The following NLGN1 variants were observed in gnomAD, a reference collection of about 807,000 sequenced individuals.
NLGN1 encodes neuroligin-1.
A neutral mutation model predicts 65.5 loss-of-function variants in NLGN1; 12 were observed. The ratio of observed to expected loss-of-function variants is 0.18; its 90% CI spans 0.12 to 0.30. The LOEUF (loss-of-function observed/expected upper bound fraction) is 0.30, where lower values mean the gene tolerates loss of function less well. Ranked by LOEUF, NLGN1 falls within the 10% of genes least tolerant of loss-of-function variation. NLGN1 has a pLI of 1.00. For missense variants in NLGN1, 750 were observed against 1,007.1 expected, an observed-to-expected ratio of 0.74 and a Z score of 3.46; for synonymous variants, 350 against 359.5, an observed-to-expected ratio of 0.97 and a Z score of 0.30.
intron 4 of NLGN1, among the ~76,000 whole-genome samples, chr3:174,133,329 T>C (rs1186192813): frequency 6.6e-6 from 1 of 152,210 alleles, no homozygotes; most frequent in African/African-American, 2.4e-5. Flanking sequence ...GGAAAATATC[T>C]TCTAATCTTT....
chr3:173,810,317 T>C, intron 4 of NLGN1, among the ~76,000 whole-genome samples: 1 of 152,202 alleles, frequency 6.6e-6, no homozygotes, highest in East Asian at 1.9e-4. Context: ...ATAGTTTGTC[T>C]AACAGTAAAA....
intron 4 of NLGN1, among the ~76,000 whole-genome samples, chr3:174,023,840 A>G (rs1728264098): frequency 6.6e-6 from 1 of 152,154 alleles, no homozygotes. Flanking sequence ...CCCTGCAGTC[A>G]GCAGCTGTGG....
At chr3:174,170,382 T>C (rs1231710392) in intron 4 of NLGN1, among the ~76,000 whole-genome samples, 1 of 152,162 alleles carries the variant, frequency 6.6e-6, no homozygotes, top group Non-Finnish European at 1.5e-5. Flanking sequence ...AATGGTGTAT[T>C]ACAGGGCCCA....
intron 4 of NLGN1, among the ~76,000 whole-genome samples, chr3:174,025,399 A>G (rs373218928): frequency 1.3e-5 from 2 of 152,182 alleles, no homozygotes; most frequent in South Asian, 2.1e-4. Flanking sequence ...ATTCTATTCA[A>G]TTAAGGAAAT....
At chr3:173,463,305 C>A (rs543997780) in intron 2 of NLGN1, among the ~76,000 whole-genome samples, 1 of 152,236 alleles carries the variant, frequency 6.6e-6, no homozygotes, top group East Asian at 1.9e-4. Context: ...AACCTGAAAA[C>A]AAATCAATAC....
chr3:174,231,575 G>A (rs752118053), intron 4 of NLGN1, among the ~76,000 whole-genome samples: 5 of 152,268 alleles, frequency 3.3e-5, no homozygotes, highest in South Asian at 2.1e-4. Context: ...ACAGAAGTAC[G>A]CAGTCCTTCT....
At chr3:173,765,090 G>C (rs1164306587) in intron 3 of NLGN1, among the ~76,000 whole-genome samples, 2 of 147,990 alleles carry the variant, frequency 1.4e-5, no homozygotes, top group South Asian at 2.1e-4. Context: ...GTGTGTGTGT[G>C]TGTGTGTGTA....
intron 4 of NLGN1, among the ~76,000 whole-genome samples, chr3:173,936,697 T>C (rs1745132812): frequency 6.6e-6 from 1 of 152,064 alleles, no homozygotes. Flanking sequence ...GTCCTCAAGG[T>C]ATATGTCTTA....
chr3:173,491,368 A>G (rs188199406), intron 2 of NLGN1, among the ~76,000 whole-genome samples: 5 of 151,674 alleles, frequency 3.3e-5, no homozygotes, highest in African/African-American at 1.2e-4. Flanking sequence ...GGTTTTTGTC[A>G]TTGGTTCTGT....
intron 4 of NLGN1, among the ~76,000 whole-genome samples, chr3:174,086,289 AT>A (rs1190125703): frequency 4.0e-5 from 4 of 100,132 alleles, no homozygotes; most frequent in African/African-American, 1.4e-4. Context: ...GCATAAATAT[AT>A]ATATATTTAT....
chr3:174,075,824 A>G (rs944287401), intron 4 of NLGN1, among the ~76,000 whole-genome samples: 14 of 152,210 alleles, frequency 9.2e-5, no homozygotes, highest in Non-Finnish European at 7.3e-5. Flanking sequence ...GGAACTGAAG[A>G]TAAGCTATTA....
Position 174,279,274 on chromosome 3 carries a change from T to C in NLGN1, c.1273T>C (p.Tyr425His), listed in dbSNP as rs566888322. 143 of 1,613,364 alleles carry C rather than the reference T, an allele frequency of 8.9e-5. 1 individual carries two copies. In the South Asian group the frequency reaches 1.3e-3, roughly 15 times the overall value. Reference sequence around the variant, plus strand: ...AAATTTTGTTGATAATTTATATGGATATCCTGAAGGCAAAGATGTTTTGAG... The same window carrying C: ...AAATTTTGTTGATAATTTATATGGACATCCTGAAGGCAAAGATGTTTTGAG... Residue 425 changes from tyrosine (Y) to histidine (H), a missense_variant, in exon 6 of 7, where the codon TAT becomes CAT. Physicochemically the swap from Tyr to His is moderately conservative, Grantham distance 83. Transcript: ENST00000457714. This position sits in a 1 kb window ranked among gnomAD's most constrained non-coding sequence, Gnocchi z 4.7.
Position 173,443,730 on chromosome 3 carries a change from A to G in NLGN1, c.-321+8652A>G, listed in dbSNP as rs1719651943. Among the ~76,000 whole-genome samples, 3 of 152,212 alleles carry G rather than the reference A, an allele frequency of 2.0e-5. No individual in the cohort carries two copies. The South Asian group carries it at 6.2e-4, about 32-fold the overall frequency. ...CAATTATTTTCTAGAGAACAATTTC[A>G]TTGTGTTTTCTTAGTAGAAAGACTA... On this transcript the variant is annotated intron_variant, in intron 2 of 6. Transcript: ENST00000457714.
At chr3:174,091,912 CA>C (rs1744591861) in intron 4 of NLGN1, among the ~76,000 whole-genome samples, 1 of 152,100 alleles carries the variant, frequency 6.6e-6, no homozygotes, top group South Asian at 2.1e-4. Flanking sequence ...GAAGAGCAAT[CA>C]ATCAAATCTA....
chr3:173,881,708 A>G (rs1054995985), intron 4 of NLGN1, among the ~76,000 whole-genome samples: 27 of 152,036 alleles, frequency 1.8e-4, no homozygotes, highest in African/African-American at 6.5e-4. Context: ...TCCACTTCTA[A>G]TTCTAGTTCT....
intron 4 of NLGN1, among the ~76,000 whole-genome samples, chr3:173,848,774 A>G (rs539269746): frequency 7.9e-5 from 12 of 152,318 alleles, no homozygotes; most frequent in Admixed American, 6.5e-4. Context: ...ATTTTATTCA[A>G]TCTTTATGTG....
chr3:173,476,870 T>C (rs1430364335), intron 2 of NLGN1, among the ~76,000 whole-genome samples: 1 of 152,162 alleles, frequency 6.6e-6, no homozygotes, highest in Non-Finnish European at 1.5e-5. Flanking sequence ...TTCTCCATTA[T>C]AGATTGATTA....
chr3:173,837,395 A>G (rs1448634847), intron 4 of NLGN1, among the ~76,000 whole-genome samples: 4 of 152,196 alleles, frequency 2.6e-5, no homozygotes, highest in South Asian at 2.1e-4. Context: ...GAATAAAGGA[A>G]AATATGCTTT....
chr3:173,445,240 C>G (rs1353584321), intron 2 of NLGN1, among the ~76,000 whole-genome samples: 1 of 141,864 alleles, frequency 7.0e-6, no homozygotes, highest in Admixed American at 7.0e-5. Context: ...TGCACTCCAG[C>G]CTGGGCGACA....
Sources: gnomAD v4.1 joint callset for allele counts (sites outside exome capture counted in the v4.1 genomes callset) on GRCh38, gnomAD v4.1.1 for gene constraint, Gnocchi (gnomAD v3.1) non-coding constraint, MANE v1.5 for transcripts, NCBI Gene and HGNC (gene_info 2026-07-23, HGNC 2026-07-21) for gene names.